Variants in DTYMK observed in about 807,000 individuals in gnomAD.
DTYMK encodes thymidylate kinase.
Under a neutral mutation model 20.3 loss-of-function variants are expected in DTYMK, and 20 were observed. That is an observed-to-expected ratio of 0.99 (90% CI 0.69 to 1.43). The LOEUF (loss-of-function observed/expected upper bound fraction) is 1.43, where lower values mean the gene tolerates loss of function less well. Ranked by LOEUF, DTYMK falls within the 40% of genes most tolerant of loss-of-function variation. The pLI, the probability that DTYMK is intolerant of heterozygous loss-of-function variation, is 0.00. For synonymous variants in DTYMK, 148 were observed against 124.4 expected, an observed-to-expected ratio of 1.19 and a Z score of -1.27; for missense variants, 320 against 291.1, an observed-to-expected ratio of 1.10 and a Z score of -0.72.
intron 2 of DTYMK, chr2:241,684,684 T>C: frequency 2.2e-6 from 1 of 459,634 alleles, no homozygotes. Flanking sequence ...CATATGTATA[T>C]AAATGTAAAT....
At chr2:241,679,136 T>C (rs1426388526) in intron 3 of DTYMK, among the ~76,000 whole-genome samples, 5 of 152,226 alleles carry the variant, frequency 3.3e-5, no homozygotes, top group East Asian at 1.9e-4. Context: ...GAGCCTGTTA[T>C]GTGCCAGCCT....
chr2:241,676,359 C>T (rs2069116700), intron 4 of DTYMK, 122 bp from the exon 5 acceptor site: 1 of 903,860 alleles, frequency 1.1e-6, no homozygotes, highest in Non-Finnish European at 1.7e-6. Flanking sequence ...TGCTTGTACC[C>T]AGGAGTTCAA....
chr2:241,684,866 TGGGGAAGG>T, intron 2 of DTYMK: 2 of 401,848 alleles, frequency 5.0e-6, no homozygotes, highest in East Asian at 1.4e-4. Flanking sequence ...ACATAAATAA[TGGGGAAGG>T]GGGGAAGGCA....
chr2:241,676,982 G>T (rs562910382), intron 4 of DTYMK, among the ~76,000 whole-genome samples: 1 of 152,366 alleles, frequency 6.6e-6, no homozygotes, highest in Middle Eastern at 3.4e-3. Context: ...GGTCCTAACA[G>T]CTGTGCTGCA....
chr2:241,684,949 G>C (rs1457052554), intron 2 of DTYMK, among the ~76,000 whole-genome samples: 2 of 151,666 alleles, frequency 1.3e-5, no homozygotes, highest in African/African-American at 4.8e-5. Flanking sequence ...TATACCTAAA[G>C]CTATCTTTAA....
At position 241,686,607 on chromosome 2, in the gene DTYMK, G is replaced by A. The variant is rs1332328701; in HGVS notation, c.130+47C>T. ...AGCGGAGCAAAGAGCCCCTGGGAAGGCAGAGGCACCGAAGGCCGCGGCGCA... is the reference window on the plus strand; with the variant it reads ...AGCGGAGCAAAGAGCCCCTGGGAAGACAGAGGCACCGAAGGCCGCGGCGCA... On this transcript the variant is annotated intron_variant, in intron 1 of 4. Coordinates refer to ENST00000305784, the MANE Select transcript of DTYMK (RefSeq NM_012145.4). 3 of 1,461,204 alleles carry A rather than the reference G, an allele frequency of 2.1e-6. No homozygotes were observed. In the East Asian group the frequency reaches 8.0e-5, roughly 39 times the overall value. The allele number at this position is 1,461,204 out of a possible 1,614,324, so 90.5% of individuals were successfully genotyped here. A position where few individuals can be genotyped will look rare whatever the true frequency, so the allele number is the denominator to read the frequency against.
At chr2:241,678,227 G>A (rs1416213197) in intron 4 of DTYMK, among the ~76,000 whole-genome samples, 1 of 151,996 alleles carries the variant, frequency 6.6e-6, no homozygotes, top group Non-Finnish European at 1.5e-5. Flanking sequence ...CTGAGATCGT[G>A]CCATTGCACT....
chr2:241,685,403 C>T (rs531086239), intron 2 of DTYMK: 2 of 166,350 alleles, frequency 1.2e-5, no homozygotes, highest in South Asian at 1.9e-4. Context: ...CATGCTGGGG[C>T]GCGCCTGTAG....
At chr2:241,685,965 A>C in intron 1 of DTYMK, 88 bp from the exon 2 acceptor site, 1 of 1,335,338 alleles carries the variant, frequency 7.5e-7, no homozygotes, top group Non-Finnish European at 1.0e-6. Context: ...TTTCTCCCGG[A>C]CTCAAGTCTC....
chr2:241,681,086 A>C (rs778605829), intron 2 of DTYMK, among the ~76,000 whole-genome samples: 1 of 152,172 alleles, frequency 6.6e-6, no homozygotes, highest in Non-Finnish European at 1.5e-5. Flanking sequence ...GCCAAATACC[A>C]CAAGTCCACC....
chr2:241,686,728 T>A lies in DTYMK; in HGVS notation c.56A>T (p.Lys19Met). The change falls in exon 1 of 5, where the codon AAG becomes ATG. Residue 19 changes from lysine (K) to methionine (M), a missense_variant. Physicochemically the swap from Lys to Met is moderately conservative, Grantham distance 95. Transcript: ENST00000305784. ...IVLEGVDRAGKSTQSRKLVEA... is the reference protein window; with the variant it reads ...IVLEGVDRAGMSTQSRKLVEA... ...CACCAGCTTGCGGCTCTGCGTGCTC[T>A]TCCCGGCGCGGTCCACGCCCTCCAG... The A allele has an allele frequency of 6.5e-7, 1 of 1,546,650 alleles. No individual in the cohort carries two copies. Among genetic ancestry groups the A allele is most frequent in the Non-Finnish European group, 8.6e-7 (1 of 1,159,624 alleles).
At chr2:241,685,928 C>T in intron 1 of DTYMK, 51 bp from the exon 2 acceptor site, 2 of 1,565,004 alleles carry the variant, frequency 1.3e-6, no homozygotes, top group South Asian at 2.2e-5. Context: ...GGCTTTCCCT[C>T]TATATTACAA....
chr2:241,684,110 A>C (rs144056536), intron 2 of DTYMK, among the ~76,000 whole-genome samples: 1 of 152,192 alleles, frequency 6.6e-6, no homozygotes, highest in Non-Finnish European at 1.5e-5. Context: ...ACAGTTAGAC[A>C]TAGAGGAAAC....
At position 241,686,688 on chromosome 2, in the gene DTYMK, G is replaced by A; in HGVS notation, c.96C>T (p.Ala32=). 3 of 1,533,444 alleles carry A rather than the reference G, an allele frequency of 2.0e-6. No homozygotes were observed. Among genetic ancestry groups the A allele is most frequent in the Middle Eastern group, 2.1e-4 (1 of 4,698 alleles). The allele number at this position is 1,533,444 out of a possible 1,614,324, so 95.0% of individuals were successfully genotyped here. A position where few individuals can be genotyped will look rare whatever the true frequency, so the allele number is the denominator to read the frequency against. ...QSRKLVEALC[A]AGHRAELLRF... The stretch of plus-strand genomic sequence containing the variant: ...GGAGCAGTTCGGCGCGGTGGCCCGC[G>A]GCGCACAGCGCTTCCACCAGCTTGC... Residue 32 remains alanine (A), a synonymous_variant, in exon 1 of 5, where the codon GCC becomes GCT. Coordinates refer to ENST00000305784, the MANE Select transcript of DTYMK (RefSeq NM_012145.4).
intron 2 of DTYMK, among the ~76,000 whole-genome samples, chr2:241,683,319 C>T (rs926109695): frequency 4.6e-5 from 7 of 152,198 alleles, no homozygotes; most frequent in African/African-American, 1.4e-4. Flanking sequence ...GGTGAGAATG[C>T]AAGATGCTGC....
In DTYMK at chr2:241,676,186, G is replaced by C; in HGVS notation, c.580C>G (p.Leu194Val). 6.2e-7 allele frequency: 1 copy of C among 1,613,252 alleles called. No individual in the cohort carries two copies. Among genetic ancestry groups the C allele is most frequent in the Non-Finnish European group, 8.5e-7 (1 of 1,179,816 alleles). ...IEAVHEDIRV[L>V]SEDAIRTATE... ...GCAGTGCGGATGGCGTCCTCAGAGA[G>C]CACGCGGATGTCCTCATGGACAGCT... The change falls in exon 5 of 5, where the codon CTC (leucine) becomes GTC (valine). Residue 194 changes from leucine to valine, a missense_variant. Physicochemically the swap from Leu to Val is conservative, Grantham distance 32. Transcript: ENST00000305784.
chr2:241,682,192 A>T (rs2069270688), intron 2 of DTYMK: 1 of 450,350 alleles, frequency 2.2e-6, no homozygotes, highest in Non-Finnish European at 4.4e-6. Flanking sequence ...ATTTTACAAA[A>T]ATTAGCCAGG....
intron 2 of DTYMK, chr2:241,684,888 G>A: frequency 2.6e-6 from 1 of 391,766 alleles, no homozygotes; most frequent in South Asian, 2.0e-5. Flanking sequence ...GAAGGCAGGG[G>A]TAGTATGTAG....
intron 3 of DTYMK, 29 bp downstream of exon 3, chr2:241,680,200 C>T (rs939651072): frequency 2.5e-6 from 4 of 1,611,636 alleles, no homozygotes; most frequent in African/African-American, 1.3e-5. Flanking sequence ...CATCTGTGCT[C>T]GCCTGACAGG....
Sources: gnomAD v4.1 joint callset for allele counts (sites outside exome capture counted in the v4.1 genomes callset) on GRCh38, gnomAD v4.1.1 for gene constraint, MANE v1.5 for transcripts, NCBI Gene and HGNC (gene_info 2026-07-23, HGNC 2026-07-21) for gene names.